TOP1MT: variants seen among roughly 807,000 people sequenced by gnomAD.
TOP1MT encodes DNA topoisomerase I, mitochondrial.
A neutral mutation model predicts 73.9 loss-of-function variants in TOP1MT; 80 were observed. The ratio of observed to expected loss-of-function variants is 1.08; its 90% CI spans 0.90 to 1.30. The LOEUF is 1.30. Among genes scored for constraint, TOP1MT ranks in the 50% most tolerant of loss-of-function variants. TOP1MT has a pLI of 0.00. For synonymous variants in TOP1MT, 338 were observed against 326.4 expected (o/e 1.04, Z -0.38); for missense variants, 815 against 808.0 (o/e 1.01, Z -0.10).
At chr8:143,311,093 C>T (rs918535706) in intron 12 of TOP1MT, among the ~76,000 whole-genome samples, 3 of 148,884 alleles carry the variant, frequency 2.0e-5, no homozygotes, top group African/African-American at 7.4e-5. Context: ...GCTGGGACTA[C>T]AGGCATGTGC....
chr8:143,338,046 C>T (rs533159000), upstream of TOP1MT, among the ~76,000 whole-genome samples: 23 of 152,250 alleles, frequency 1.5e-4, no homozygotes, highest in African/African-American at 4.8e-4. Context: ...TCGGGGAGCC[C>T]GGATCTTGAG....
intron 1 of TOP1MT, chr8:143,343,638 C>A: frequency 6.1e-6 from 1 of 164,428 alleles, no homozygotes; most frequent in South Asian, 1.6e-4. Flanking sequence ...CACAGCAGTT[C>A]AGAGATCATC....
chr8:143,338,209 T>C (rs1014652901), upstream of TOP1MT, among the ~76,000 whole-genome samples: 4 of 152,164 alleles, frequency 2.6e-5, no homozygotes, highest in African/African-American at 9.7e-5. Context: ...AGTTCAAGAC[T>C]GCAGTGAGCT....
chr8:143,309,729 G>C (rs1586744669), intron 13 of TOP1MT, 186 bp from the exon 14 acceptor site: 1 of 1,528,880 alleles, frequency 6.5e-7, no homozygotes, highest in Non-Finnish European at 8.8e-7. Flanking sequence ...GCATCAGCGA[G>C]GTGTCAAAGA....
chr8:143,319,837 C>T (rs1371264548), intron 8 of TOP1MT, among the ~76,000 whole-genome samples: 5 of 148,034 alleles, frequency 3.4e-5, no homozygotes, highest in African/African-American at 7.4e-5. Context: ...TTTTTTAGAA[C>T]GGTCTCAGCC....
chr8:143,348,611 G>GA (rs1817268345), upstream of TOP1MT, among the ~76,000 whole-genome samples: 1 of 152,262 alleles, frequency 6.6e-6, no homozygotes, highest in South Asian at 2.1e-4. This position sits in a 1 kb window ranked among gnomAD's most constrained non-coding sequence, Gnocchi z 4.6. Flanking sequence ...GGGGGTGGGG[G>GA]GGGGTGGGGG....
chr8:143,347,075 C>G (rs1377977504), upstream of TOP1MT, among the ~76,000 whole-genome samples: 1 of 151,850 alleles, frequency 6.6e-6, no homozygotes, highest in African/African-American at 2.4e-5. Flanking sequence ...ACCTCCGCCT[C>G]CCAGGTTCAA....
rs746358293 is a variant in TOP1MT, at chr8:143,331,228, A to G, written c.234T>C (p.Tyr78=). The change falls in exon 2 of 14, where the codon TAT becomes TAC. Residue 78 remains tyrosine, a synonymous_variant. Transcript: ENST00000329245. Reference sequence around the variant, plus strand: ...AGCCGCTCCCTGCATCCTTACCTTCATAGAAGAAACGCACTCCGTCGGGAA... The same window carrying G: ...AGCCGCTCCCTGCATCCTTACCTTCGTAGAAGAAACGCACTCCGTCGGGAA... ...EPLPDGVRFF[Y]EGRPVRLSVA... 1.2e-6 allele frequency: 2 copies of G among 1,604,884 alleles called. No individual in the cohort carries two copies. Among genetic ancestry groups the G allele is most frequent in the Admixed American group, 1.7e-5 (1 of 59,634 alleles).
At position 143,341,267 on chromosome 8, in the gene TOP1MT, G is replaced by A. The variant is rs1197455695; in HGVS notation, c.29+1953C>T. 2.0e-5 allele frequency among the ~76,000 whole-genome samples: 3 copies of A among 151,914 alleles called. No homozygotes were observed. Among genetic ancestry groups the A allele is most frequent in the Non-Finnish European group, 4.4e-5 (3 of 67,984 alleles). The stretch of plus-strand genomic sequence containing the variant: ...TCTCTTCCACACAGCCCTTGCCCCG[G>A]CCAGTGTCTGTGAGCTCACAGTCCA... On this transcript the variant is annotated intron_variant, in intron 2 of 5. Transcript: ENST00000518007. The surrounding 1 kb of genome is among the most constrained non-coding windows in gnomAD (Gnocchi z 4.1).
At chr8:143,331,705 C>T (rs978659654) in intron 1 of TOP1MT, 3 of 188,268 alleles carry the variant, frequency 1.6e-5, no homozygotes, top group Non-Finnish European at 3.3e-5. Flanking sequence ...TCTTCGGGAA[C>T]CTCTCCATGG....
chr8:143,321,848 CGCCACACACGCAT>C (rs1287760518), intron 7 of TOP1MT, among the ~76,000 whole-genome samples: 1 of 109,096 alleles, frequency 9.2e-6, no homozygotes, highest in African/African-American at 3.9e-5. Flanking sequence ...GCCACACGCA[CGCCACACACGCAT>C]GCCACACGCA....
At chr8:143,332,011 C>T (rs1018824628) in intron 1 of TOP1MT, among the ~76,000 whole-genome samples, 3 of 151,962 alleles carry the variant, frequency 2.0e-5, no homozygotes, top group Admixed American at 6.5e-5. Context: ...CTGCCAAGGT[C>T]CCCCTCCCCA....
At chr8:143,346,098 AG>A (rs1326351051), upstream of TOP1MT, among the ~76,000 whole-genome samples, 7 of 152,090 alleles carry the variant, frequency 4.6e-5, no homozygotes, top group Non-Finnish European at 1.0e-4. Flanking sequence ...GTGTCTGTAA[AG>A]TTCACTTCTC....
Position 143,329,403 on chromosome 8 carries a change from C to A in TOP1MT, c.307G>T (p.Glu103Ter). Reference sequence around the variant, plus strand: ...CGGAAAACCTCCTTTGTTGTGTATTCATGATCTAACATCCTCCCATAAAAA... The same window carrying A: ...CGGAAAACCTCCTTTGTTGTGTATTAATGATCTAACATCCTCCCATAAAAA... ...ATFYGRMLDH[E>*]YTTKEVFRKN... The change falls in exon 3 of 14, where the codon GAA (glutamate) becomes TAA (stop). Residue 103 changes from glutamate (E) to a stop codon, truncating the protein, a stop_gained. Coordinates refer to ENST00000329245, the MANE Select transcript of TOP1MT (RefSeq NM_052963.3). LOFTEE classifies it high-confidence loss of function. The A allele has an allele frequency of 6.2e-7, 1 of 1,610,772 alleles. No individual in the cohort carries two copies. Among genetic ancestry groups the A allele is most frequent in the Non-Finnish European group, 8.5e-7 (1 of 1,179,134 alleles).
chr8:143,322,500 A>T (rs1349117814), intron 7 of TOP1MT, among the ~76,000 whole-genome samples: 1 of 114,520 alleles, frequency 8.7e-6, no homozygotes, highest in Non-Finnish European at 1.7e-5. Context: ...CGCACGCCAC[A>T]CACACAGGCA....
Position 143,313,405 on chromosome 8 carries a change from C to T in TOP1MT, c.1553+2322G>A, listed in dbSNP as rs986448432. Reference sequence around the variant, plus strand: ...ATCTGTACTAAAATACAAAAATTAGCCAGGTATAGTGGTGTGTGTCTGTAG... The same window carrying T: ...ATCTGTACTAAAATACAAAAATTAGTCAGGTATAGTGGTGTGTGTCTGTAG... On this transcript the variant is annotated intron_variant, in intron 12 of 13. Coordinates refer to ENST00000329245, the MANE Select transcript of TOP1MT (RefSeq NM_052963.3). Among the ~76,000 whole-genome samples, 5 of 151,306 alleles carry T rather than the reference C, an allele frequency of 3.3e-5. No individual in the cohort carries two copies. The South Asian group carries it at 1.0e-3, about 32-fold the overall frequency.
upstream of TOP1MT, among the ~76,000 whole-genome samples, chr8:143,339,075 C>T (rs1312262945): frequency 6.6e-6 from 1 of 152,178 alleles, no homozygotes; most frequent in Admixed American, 6.5e-5. Flanking sequence ...AAGACGTTTC[C>T]CACCCAGAAG....
At chr8:143,322,783 G>A (rs1476991158) in intron 7 of TOP1MT, among the ~76,000 whole-genome samples, 2 of 30,552 alleles carry the variant, frequency 6.5e-5, no homozygotes, top group Admixed American at 6.1e-4. Flanking sequence ...ACACAGGCAC[G>A]CCACACACAT....
chr8:143,337,840 G>A (rs368384212), upstream of TOP1MT, among the ~76,000 whole-genome samples: 21 of 152,240 alleles, frequency 1.4e-4, no homozygotes, highest in African/African-American at 5.1e-4. Flanking sequence ...AGATCGGCCC[G>A]GACCTAATCG....
Sources: allele counts gnomAD v4.1 joint callset (sites outside exome capture counted in the v4.1 genomes callset), GRCh38; gene constraint gnomAD v4.1.1; non-coding constraint Gnocchi (gnomAD v3.1); transcripts MANE v1.5; gene names NCBI Gene and HGNC (gene_info 2026-07-23, HGNC 2026-07-21).